MACROD2: variants seen among roughly 807,000 people sequenced by gnomAD.
MACROD2 encodes mono-ADP ribosylhydrolase 2.
Under a neutral mutation model 70.4 loss-of-function variants are expected in MACROD2, and 36 were observed. That is an observed-to-expected ratio of 0.51 (90% confidence interval 0.39 to 0.68). The LOEUF (loss-of-function observed/expected upper bound fraction) is 0.68, where lower values mean the gene tolerates loss of function less well. MACROD2 is among the 30% of genes least tolerant of loss of function. The pLI is 0.00. For missense variants in MACROD2, 496 were observed against 538.4 expected, an observed-to-expected ratio of 0.92 and a Z score of 0.78; for synonymous variants, 172 against 178.8, an observed-to-expected ratio of 0.96 and a Z score of 0.30.
At chr20:14,861,070 A>G (rs766332099) in intron 5 of MACROD2, among the ~76,000 whole-genome samples, 18 of 152,166 alleles carry the variant, frequency 1.2e-4, no homozygotes, top group Non-Finnish European at 2.2e-4. Context: ...AAGGATCACA[A>G]TAGGAAAAAT....
chr20:13,995,863 C>CGGGGGGGGTTGGGGGGGGGGG lies in MACROD2; in HGVS notation c.46+59_46+60insGGGTTGGGGGGGGGGGGGGGG. ...CGGGCGGTGGGGGTTAGGGTGGGGG[C>CGGGGGGGGTTGGGGGGGGGGG]GGGGGTCAGGCTGTGTGTGCCGCGG... On this transcript the variant is annotated intron_variant, in intron 1 of 17. Transcript: ENST00000684519. This position sits in a 1 kb window ranked among gnomAD's most constrained non-coding sequence, Gnocchi z 4.3. The CGGGGGGGGTTGGGGGGGGGGG allele has an allele frequency of 7.3e-6, 3 of 412,840 alleles. No homozygotes were observed. The highest frequency in any genetic ancestry group is 3.3e-5 in the Admixed American group (1 of 30,226). 25.6% of individuals were successfully genotyped at this position (412,840 alleles called of 1,614,324 possible).
chr20:15,769,849 G>A (rs1383784896), intron 8 of MACROD2, among the ~76,000 whole-genome samples: 1 of 152,084 alleles, frequency 6.6e-6, no homozygotes, highest in East Asian at 1.9e-4. Flanking sequence ...AGGAAGGTCA[G>A]AAAAGTTTTA....
intron 8 of MACROD2, among the ~76,000 whole-genome samples, chr20:15,605,909 C>T (rs6135458): frequency 0.025 from 3,807 of 152,284 alleles, 51 homozygotes; most frequent in East Asian, 0.058. Context: ...AGGTAAATCA[C>T]GATGCTTGCT....
chr20:14,577,353 A>G (rs1453039004), intron 4 of MACROD2, among the ~76,000 whole-genome samples: 2 of 152,246 alleles, frequency 1.3e-5, no homozygotes, highest in Admixed American at 6.5e-5. Context: ...ATAATTTTAC[A>G]TTAAGAATTA....
chr20:15,707,452 C>G (rs893904390), intron 8 of MACROD2, among the ~76,000 whole-genome samples: 3 of 152,244 alleles, frequency 2.0e-5, no homozygotes, highest in Admixed American at 2.0e-4. Flanking sequence ...GTCCATGCCC[C>G]CAGCTTCATA....
chr20:14,595,946 G>A (rs866117167), intron 4 of MACROD2, among the ~76,000 whole-genome samples: 5 of 152,082 alleles, frequency 3.3e-5, no homozygotes, highest in South Asian at 4.1e-4. Flanking sequence ...CTTTACTTCA[G>A]AGAGGAGTTT....
chr20:15,930,014 A>G (rs2065550243), intron 10 of MACROD2, among the ~76,000 whole-genome samples: 1 of 152,184 alleles, frequency 6.6e-6, no homozygotes, highest in Non-Finnish European at 1.5e-5. Flanking sequence ...TGCTATGGAA[A>G]TTTATCATCT....
intron 6 of MACROD2, among the ~76,000 whole-genome samples, chr20:15,371,193 A>G (rs1187076141): frequency 6.6e-6 from 1 of 152,112 alleles, no homozygotes; most frequent in African/African-American, 2.4e-5. Context: ...GAACTTGATA[A>G]TGTTGGAAAC....
intron 3 of MACROD2, among the ~76,000 whole-genome samples, chr20:14,352,992 A>G (rs1482790700): frequency 2.0e-5 from 3 of 152,086 alleles, no homozygotes; most frequent in African/African-American, 7.2e-5. Flanking sequence ...ACTATCATCA[A>G]TTTGATGGTA....
chr20:14,956,643 G>A (rs78272348), intron 5 of MACROD2, among the ~76,000 whole-genome samples: 1,574 of 152,252 alleles, frequency 0.01, 30 homozygotes, highest in African/African-American at 0.036. Flanking sequence ...ACATAACCAT[G>A]TTAATTATCG....
chr20:16,016,099 G>T (rs977573275), intron 15 of MACROD2, among the ~76,000 whole-genome samples: 3 of 151,838 alleles, frequency 2.0e-5, no homozygotes, highest in Admixed American at 6.6e-5. Flanking sequence ...AGGTCTTTTG[G>T]GTCCTTATTT....
At chr20:14,165,651 T>G (rs1209270942) in intron 3 of MACROD2, among the ~76,000 whole-genome samples, 1 of 152,234 alleles carries the variant, frequency 6.6e-6, no homozygotes, top group Admixed American at 6.5e-5. Context: ...TTTCCTAACA[T>G]TGAAATGTGT....
intron 15 of MACROD2, among the ~76,000 whole-genome samples, chr20:15,992,210 A>G (rs778840810): frequency 7.9e-5 from 12 of 152,180 alleles, no homozygotes; most frequent in Non-Finnish European, 1.6e-4. Flanking sequence ...TAAGAAAGTT[A>G]TGCAGGCCTC....
intron 4 of MACROD2, among the ~76,000 whole-genome samples, chr20:14,653,700 TAA>T (rs1985813021): frequency 6.6e-6 from 1 of 152,166 alleles, no homozygotes; most frequent in Admixed American, 6.5e-5. Flanking sequence ...CAGACTGTGT[TAA>T]GAGACCTCAT....
chr20:14,225,839 A>G (rs766671949), intron 3 of MACROD2, among the ~76,000 whole-genome samples: 1 of 152,218 alleles, frequency 6.6e-6, no homozygotes, highest in South Asian at 2.1e-4. Context: ...TTTTTTCTAA[A>G]GAACTAGTGT....
intron 4 of MACROD2, among the ~76,000 whole-genome samples, chr20:14,578,592 A>G (rs1600408247): frequency 6.9e-6 from 1 of 144,632 alleles, no homozygotes; most frequent in African/African-American, 2.4e-5. Flanking sequence ...TAGAATTTCA[A>G]CAACAGTGAA....
At position 14,914,282 on chromosome 20, in the gene MACROD2, T is replaced by C. The variant is rs182912167; in HGVS notation, c.418+229323T>C. On this transcript the variant is annotated intron_variant, in intron 5 of 17. Transcript: ENST00000684519. ...GACATTTCATTCAAGATTGTTCTGTTAAGCGGGAGGGAGGTGAGCTGCTCA... is the reference window on the plus strand; with the variant it reads ...GACATTTCATTCAAGATTGTTCTGTCAAGCGGGAGGGAGGTGAGCTGCTCA... Among the ~76,000 whole-genome samples, 32 of 152,280 alleles carry C rather than the reference T, an allele frequency of 2.1e-4. 1 individual carries two copies. The East Asian group carries it at 5.4e-3, about 26-fold the overall frequency.
At position 15,979,420 on chromosome 20, in the gene MACROD2, G is replaced by T. The variant is rs147801339; in HGVS notation, c.986-7307G>T. Among the ~76,000 whole-genome samples, 610 of 152,224 alleles carry T rather than the reference G, an allele frequency of 4.0e-3. 10 individuals carry two copies. The highest frequency in any genetic ancestry group is 0.014 in the African/African-American group (581 of 41,542). On this transcript the variant is annotated intron_variant, in intron 13 of 17. Coordinates refer to ENST00000684519, the MANE Select transcript of MACROD2 (RefSeq NM_001351661.2). ...ACATGAACAGGCCTGTGTCAATGTG[G>T]TGGGAACATACACTTGTCCCACAAG...
chr20:14,472,188 T>C (rs1374057003), intron 3 of MACROD2, among the ~76,000 whole-genome samples: 1 of 152,220 alleles, frequency 6.6e-6, no homozygotes, highest in African/African-American at 2.4e-5. Flanking sequence ...TGATTACTGT[T>C]TAGAATAAGC....
Sources: allele counts gnomAD v4.1 joint callset (sites outside exome capture counted in the v4.1 genomes callset), GRCh38; gene constraint gnomAD v4.1.1; non-coding constraint Gnocchi (gnomAD v3.1); transcripts MANE v1.5; gene names NCBI Gene and HGNC (gene_info 2026-07-23, HGNC 2026-07-21).